Variants in SKP2 observed in about 807,000 individuals in gnomAD.
SKP2 encodes the protein S-phase kinase-associated protein 2.
SKP2 carries 16 observed loss-of-function variants against 51.8 expected under a neutral mutation model. That is an observed-to-expected ratio of 0.31 (90% CI 0.21 to 0.47). The LOEUF is 0.47. SKP2 is among the 20% of genes least tolerant of loss of function. The probability of loss-of-function intolerance (pLI) is 1.00; values close to 1 mark genes in which losing one functional copy is unlikely to be tolerated. For synonymous variants in SKP2, 176 were observed against 198.6 expected (o/e 0.89, Z 0.96); for missense variants, 377 against 505.3 (o/e 0.75, Z 2.43).
chr5:36,171,004 G>A (rs1223268940), intron 6 of SKP2, among the ~76,000 whole-genome samples: 1 of 152,130 alleles, frequency 6.6e-6, no homozygotes, highest in African/African-American at 2.4e-5. Context: ...ATTTGAATCT[G>A]TGTCTTGTTA....
At chr5:36,173,049 T>A (rs1030244656) in intron 7 of SKP2, among the ~76,000 whole-genome samples, 5 of 151,628 alleles carry the variant, frequency 3.3e-5, no homozygotes, top group South Asian at 4.1e-4. Flanking sequence ...GTACAAAAAC[T>A]GTTTTTTTTT....
intron 2 of SKP2, among the ~76,000 whole-genome samples, chr5:36,157,624 C>T (rs965973346): frequency 6.6e-5 from 10 of 152,074 alleles, no homozygotes; most frequent in African/African-American, 2.4e-4. Flanking sequence ...AACAAGCCAG[C>T]AAAAGCAATT....
At chr5:36,158,959 A>G (rs1745039426) in intron 2 of SKP2, among the ~76,000 whole-genome samples, 1 of 152,208 alleles carries the variant, frequency 6.6e-6, no homozygotes, top group Non-Finnish European at 1.5e-5. Context: ...TTAATTGGTT[A>G]ATAAGGGTTA....
chr5:36,164,940 C>T (rs1206339204), intron 3 of SKP2, among the ~76,000 whole-genome samples: 1 of 152,134 alleles, frequency 6.6e-6, no homozygotes, highest in Non-Finnish European at 1.5e-5. Flanking sequence ...ACTCTTTTAG[C>T]AAACATTCTG....
chr5:36,174,418 G>A (rs1290409236), intron 7 of SKP2, among the ~76,000 whole-genome samples: 1 of 152,128 alleles, frequency 6.6e-6, no homozygotes, highest in Non-Finnish European at 1.5e-5. Context: ...CTCCAGTGGT[G>A]TCAAAGTATG....
chr5:36,182,561 T>A lies in SKP2; in HGVS notation c.*530T>A, dbSNP rs1745845619. On this transcript the variant is annotated 3_prime_UTR_variant, in exon 10 of 10. Coordinates refer to ENST00000274255, the MANE Select transcript of SKP2 (RefSeq NM_005983.4). The stretch of plus-strand genomic sequence containing the variant: ...AGGAAAGAGAAAAATGTATTTGAAT[T>A]TTGCCTTTAGATTTGAAATTAGGTT... 1 of 984,560 alleles carries A rather than the reference T, an allele frequency of 1.0e-6. No individual in the cohort carries two copies. Among genetic ancestry groups the A allele is most frequent in the South Asian group, 4.7e-5 (1 of 21,278 alleles). 61.0% of individuals were successfully genotyped at this position (984,560 alleles called of 1,614,324 possible).
intron 1 of SKP2, 85 bp downstream of exon 1, chr5:36,152,355 A>T: frequency 8.1e-7 from 1 of 1,234,310 alleles, no homozygotes. Flanking sequence ...ACTGGCTAAT[A>T]TTGTTAGTAA....
intron 9 of SKP2, among the ~76,000 whole-genome samples, chr5:36,180,001 A>G (rs1293222916): frequency 6.6e-6 from 1 of 151,244 alleles, no homozygotes; most frequent in East Asian, 1.9e-4. Context: ...CTTATCTTAT[A>G]TAACCCCCTT....
At chr5:36,152,334 C>G in intron 1 of SKP2, 64 bp downstream of exon 1, 3 of 1,430,514 alleles carry the variant, frequency 2.1e-6, no homozygotes, top group African/African-American at 1.4e-5. Context: ...TTTTAGGCCG[C>G]GAATATCGCT....
At chr5:36,192,688 C>T (rs968677799) in exon 7 of SKP2, 1 of 152,192 alleles carries the variant, frequency 6.6e-6, no homozygotes, top group Non-Finnish European at 1.5e-5. Context: ...AGAGCCTACA[C>T]TGACCAGGTA....
chr5:36,190,785 T>C (rs963871982), intron 6 of SKP2, among the ~76,000 whole-genome samples: 2 of 150,590 alleles, frequency 1.3e-5, no homozygotes, highest in African/African-American at 4.9e-5. Context: ...ATCTCAACCA[T>C]TCCCCTCCAA....
At chr5:36,168,273 A>G in intron 4 of SKP2, 40 bp from the exon 5 acceptor site, 1 of 1,597,694 alleles carries the variant, frequency 6.3e-7, no homozygotes, top group Non-Finnish European at 8.5e-7. Context: ...TGTACCCGTG[A>G]GAGCCACCTA....
chr5:36,171,767 T>C (rs1561537919), intron 7 of SKP2, 34 bp downstream of exon 7: 1 of 1,606,266 alleles, frequency 6.2e-7, no homozygotes, highest in Non-Finnish European at 8.5e-7. Flanking sequence ...ACTGAGGCCT[T>C]CACAACATAA....
intron 6 of SKP2, among the ~76,000 whole-genome samples, chr5:36,171,198 A>G (rs1385772523): frequency 6.6e-6 from 1 of 152,200 alleles, no homozygotes; most frequent in Non-Finnish European, 1.5e-5. Flanking sequence ...GCTTTTTGCA[A>G]TATCAGCATC....
At chr5:36,186,657 A>G (rs1745958422), downstream of SKP2, among the ~76,000 whole-genome samples, 1 of 151,682 alleles carries the variant, frequency 6.6e-6, no homozygotes, top group Non-Finnish European at 1.5e-5. Context: ...CCAGTATTTT[A>G]TTGAGGATTT....
intron 2 of SKP2, among the ~76,000 whole-genome samples, chr5:36,161,601 G>A (rs1035384564): frequency 3.3e-5 from 5 of 152,202 alleles, no homozygotes; most frequent in African/African-American, 7.2e-5. Flanking sequence ...GGCTGAAAGC[G>A]TTTAACTTTG....
At chr5:36,184,706 A>G (rs530880145), downstream of SKP2, among the ~76,000 whole-genome samples, 1 of 152,328 alleles carries the variant, frequency 6.6e-6, no homozygotes, top group South Asian at 2.1e-4. Flanking sequence ...TATTGTGAAT[A>G]GTGTTGCAAT....
At chr5:36,191,685 G>A (rs1197482863) in intron 6 of SKP2, among the ~76,000 whole-genome samples, 1 of 152,112 alleles carries the variant, frequency 6.6e-6, no homozygotes, top group Non-Finnish European at 1.5e-5. Flanking sequence ...AAGATGCAGA[G>A]CCTATGAGGA....
rs1198692849 is a variant in SKP2, at chr5:36,182,129, C to T, written c.*98C>T. ...TTAGCTAGTTTTATTCTTGGTTTTC[C>T]CTTTGCCTTCATTCTGCAAGTATAC... On this transcript the variant is annotated 3_prime_UTR_variant, in exon 10 of 10. Coordinates refer to ENST00000274255, the MANE Select transcript of SKP2 (RefSeq NM_005983.4). 1.3e-6 allele frequency: 2 copies of T among 1,496,076 alleles called. No homozygotes were observed. Among genetic ancestry groups the T allele is most frequent in the Admixed American group, 4.5e-5 (2 of 44,876 alleles). The allele number at this position is 1,496,076 out of a possible 1,614,324, so 92.7% of individuals were successfully genotyped here.
Sources: allele counts gnomAD v4.1 joint callset (sites outside exome capture counted in the v4.1 genomes callset), GRCh38; gene constraint gnomAD v4.1.1; transcripts MANE v1.5; gene names NCBI Gene and HGNC (gene_info 2026-07-23, HGNC 2026-07-21).